ARHGEF18: variants seen among roughly 807,000 people sequenced by gnomAD.
ARHGEF18 encodes the protein rho guanine nucleotide exchange factor 18.
In ARHGEF18, 93 loss-of-function variants were observed where a neutral mutation model predicts 155.7. The ratio of observed to expected loss-of-function variants is 0.60; its 90% CI spans 0.50 to 0.71. The LOEUF (loss-of-function observed/expected upper bound fraction) is 0.71. ARHGEF18 is among the 30% of genes least tolerant of loss of function. ARHGEF18 has a pLI of 0.00. For missense variants in ARHGEF18, 1,593 were observed against 1,816.1 expected, an observed-to-expected ratio of 0.88 and a Z score of 2.23; for synonymous variants, 742 against 753.1, an observed-to-expected ratio of 0.99 and a Z score of 0.24.
rs567804520 is a variant in ARHGEF18, at chr19:7,359,762, C to A, written c.-110-3019C>A. Among the ~76,000 whole-genome samples, 44 of 100,032 alleles carry A rather than the reference C, an allele frequency of 4.4e-4. No homozygotes were observed. The South Asian group carries it at 0.013, about 29-fold the overall frequency. 65.6% of individuals were successfully genotyped at this position (100,032 alleles called of 152,430 possible). On this transcript the variant is annotated intron_variant, in intron 1 of 28. Coordinates refer to ENST00000668164, the MANE Select transcript of ARHGEF18 (RefSeq NM_001367823.1). The stretch of plus-strand genomic sequence containing the variant: ...AAAGATTGGAGTTCAATCTGTAAAA[C>A]TAGGATCAGAGTTGAGTCAGTCATT...
intron 10 of ARHGEF18, among the ~76,000 whole-genome samples, chr19:7,434,176 A>G (rs1456768356): frequency 6.6e-6 from 1 of 152,044 alleles, no homozygotes; most frequent in African/African-American, 2.4e-5. Context: ...AAAAATTTAT[A>G]GAGACAGGGT....
intron 10 of ARHGEF18, among the ~76,000 whole-genome samples, chr19:7,388,624 G>A (rs1450756695): frequency 6.6e-6 from 1 of 151,940 alleles, no homozygotes; most frequent in Non-Finnish European, 1.5e-5. Context: ...CTGTCACCCA[G>A]GCTGGAGAGC....
At chr19:7,410,143 C>T (rs1017394780) in intron 10 of ARHGEF18, among the ~76,000 whole-genome samples, 1 of 151,854 alleles carries the variant, frequency 6.6e-6, no homozygotes, top group Non-Finnish European at 1.5e-5. Context: ...TTCCCTTTTT[C>T]CAGAAATGCA....
chr19:7,419,647 C>G (rs1455588122), intron 10 of ARHGEF18, among the ~76,000 whole-genome samples: 1 of 152,068 alleles, frequency 6.6e-6, no homozygotes, highest in Non-Finnish European at 1.5e-5. Flanking sequence ...CTCCATCAGG[C>G]CACCCTAGCC....
rs770512925 is a variant in ARHGEF18, at chr19:7,459,886, G to A, written c.2361-17G>A. On this transcript the variant is annotated splice_polypyrimidine_tract_variant and intron_variant, in intron 19 of 28. Coordinates refer to ENST00000668164, the MANE Select transcript of ARHGEF18 (RefSeq NM_001367823.1). ...GCCTGGGAAGCACAGTTACCCACCC[G>A]ACTCCTCTCCCTGCAGCTGCCCTGA... 5.8e-6 allele frequency: 9 copies of A among 1,552,322 alleles called. No individual in the cohort carries two copies. Among genetic ancestry groups the A allele is most frequent in the Middle Eastern group, 3.4e-4 (2 of 5,964 alleles).
At chr19:7,467,039 A>G (rs374778021) in intron 24 of ARHGEF18, 32 bp from the exon 25 acceptor site, 206 of 1,610,770 alleles carry the variant, frequency 1.3e-4, no homozygotes, top group Non-Finnish European at 1.6e-4. Flanking sequence ...TCAGCCCGAT[A>G]ACTAGCATCA....
chr19:7,375,298 GAAAGA>G, intron 3 of ARHGEF18, among the ~76,000 whole-genome samples: 1 of 103,400 alleles, frequency 9.7e-6, no homozygotes, highest in African/African-American at 3.8e-5. Flanking sequence ...AGAAAAGAAA[GAAAGA>G]AAAGAAAGAA....
Position 7,470,333 on chromosome 19 carries a change from G to A in ARHGEF18, c.*35G>A. The A allele has an allele frequency of 6.9e-7, 1 of 1,440,630 alleles. No homozygotes were observed. Among genetic ancestry groups the A allele is most frequent in the Non-Finnish European group, 9.2e-7 (1 of 1,091,872 alleles). 89.2% of individuals were successfully genotyped at this position (1,440,630 alleles called of 1,614,324 possible). A position where few individuals can be genotyped will look rare whatever the true frequency, so the allele number is the denominator to read the frequency against. ...GACTCAAGGTGCAAGGCCCCTCCCT[G>A]CCCTGCCCACCCTTCCTGCTCTCTG... On this transcript the variant is annotated 3_prime_UTR_variant, in exon 29 of 29. Coordinates refer to ENST00000668164, the MANE Select transcript of ARHGEF18 (RefSeq NM_001367823.1). This position sits in a 1 kb window ranked among gnomAD's most constrained non-coding sequence, Gnocchi z 5.9.
Position 7,442,085 on chromosome 19 carries a change from G to A in ARHGEF18, c.1360+33G>A, listed in dbSNP as rs748853745. ...GTCCACAGCCCTGTGCCATCACACC[G>A]GCCCTCCACTCTCTTCTCTGCTCCC... On this transcript the variant is annotated intron_variant, in intron 13 of 28. Coordinates refer to ENST00000668164, the MANE Select transcript of ARHGEF18 (RefSeq NM_001367823.1). 21 of 1,611,236 alleles carry A rather than the reference G, an allele frequency of 1.3e-5. No individual in the cohort carries two copies. The South Asian group carries it at 1.3e-4, about 10-fold the overall frequency.
At chr19:7,349,717 G>C (rs897697621) in intron 1 of ARHGEF18, among the ~76,000 whole-genome samples, 16 of 152,072 alleles carry the variant, frequency 1.1e-4, no homozygotes, top group African/African-American at 3.4e-4. Flanking sequence ...GGTAGAGGTT[G>C]AAGTGAGCCT....
chr19:7,378,166 C>A (rs924434651), intron 5 of ARHGEF18, among the ~76,000 whole-genome samples: 1 of 152,118 alleles, frequency 6.6e-6, no homozygotes, highest in African/African-American at 2.4e-5. Flanking sequence ...ATCTCACACA[C>A]GTAAAGCACT....
chr19:7,474,754 A>AGTGTGTGTGTGTGTGTGTGTGTGTGT (rs3219570), downstream of ARHGEF18, among the ~76,000 whole-genome samples: 1,438 of 141,954 alleles, frequency 0.01, 31 homozygotes, highest in African/African-American at 0.032. Flanking sequence ...TGGGCATTGG[A>AGTGTGTGTGTGTGTGTGTGTGTGTGT]GTGTGTGTGT....
intron 10 of ARHGEF18, among the ~76,000 whole-genome samples, chr19:7,397,550 G>T (rs148284039): frequency 0.011 from 1,733 of 151,972 alleles, 22 homozygotes; most frequent in Non-Finnish European, 0.02. Flanking sequence ...TGGCTAACAC[G>T]GTGAAACCCC....
intron 10 of ARHGEF18, among the ~76,000 whole-genome samples, chr19:7,432,316 A>T (rs1272788926): frequency 6.6e-6 from 1 of 152,192 alleles, no homozygotes; most frequent in Non-Finnish European, 1.5e-5. Flanking sequence ...CTCTAGAGCC[A>T]GGTTGCACTC....
At chr19:7,368,001 G>GA (rs1491476316) in intron 2 of ARHGEF18, among the ~76,000 whole-genome samples, 785 of 69,610 alleles carry the variant, frequency 0.011, 37 homozygotes, top group African/African-American at 0.041. Context: ...GAGAGAGAGA[G>GA]GGAGGGAGGG....
At chr19:7,466,092 TA>T (rs1976588645) in intron 23 of ARHGEF18, among the ~76,000 whole-genome samples, 1 of 148,816 alleles carries the variant, frequency 6.7e-6, no homozygotes, top group South Asian at 2.1e-4. Context: ...TCAAAAAAGT[TA>T]AAAATAGCTG....
intron 20 of ARHGEF18, among the ~76,000 whole-genome samples, chr19:7,461,066 C>T (rs1041719339): frequency 1.3e-5 from 2 of 150,646 alleles, no homozygotes; most frequent in South Asian, 2.2e-4. Context: ...GGATTACAGG[C>T]GTGAGCCACC....
rs1383204266 is a variant in ARHGEF18, at chr19:7,444,839, T to G, written c.1611+385T>G. ...TTTTTTGAAGAGATGGGGTCTTGCT[T>G]TGTTGCCCAGGCTAGTCTCAAATTC... On this transcript the variant is annotated intron_variant, in intron 14 of 28. Transcript: ENST00000668164. The surrounding 1 kb of genome is among the most constrained non-coding windows in gnomAD (Gnocchi z 4.7). Among the ~76,000 whole-genome samples the G allele has an allele frequency of 6.6e-6, 1 of 152,122 alleles. No individual in the cohort carries two copies. Among genetic ancestry groups the G allele is most frequent in the Non-Finnish European group, 1.5e-5 (1 of 68,018 alleles).
chr19:7,377,812 C>T (rs1032647148), intron 5 of ARHGEF18, among the ~76,000 whole-genome samples: 2 of 148,048 alleles, frequency 1.4e-5, no homozygotes, highest in Admixed American at 1.3e-4. Flanking sequence ...AGGCCTGGTG[C>T]GGTGGCTCAC....
Sources: gnomAD v4.1 joint callset for allele counts (sites outside exome capture counted in the v4.1 genomes callset) on GRCh38, gnomAD v4.1.1 for gene constraint, Gnocchi (gnomAD v3.1) non-coding constraint, MANE v1.5 for transcripts, NCBI Gene and HGNC (gene_info 2026-07-23, HGNC 2026-07-21) for gene names.